LGSN: variants seen among roughly 807,000 people sequenced by gnomAD.
LGSN encodes lengsin, lens protein with glutamine synthetase domain.
In LGSN, 21 loss-of-function variants were observed where a neutral mutation model predicts 19.5. The observed-to-expected ratio is 1.07, with a 90% CI of 0.76 to 1.55. The LOEUF is 1.55. LGSN is among the 40% of genes most tolerant of loss of function. LGSN has a pLI of 0.00. For synonymous variants in LGSN, 257 were observed against 215.6 expected (o/e 1.19, Z -1.68); for missense variants, 673 against 608.5 (o/e 1.11, Z -1.12).
At chr6:63,484,162 A>G in the LGSN span, among the ~76,000 whole-genome samples, 1 of 151,994 alleles carries the variant, frequency 6.6e-6, no homozygotes, top group Admixed American at 6.6e-5. Context: ...TCAAAACAAA[A>G]CAGAAAACTA....
In LGSN at chr6:63,278,743, A is replaced by C. The variant is rs1767175398; in HGVS notation, c.*1278T>G. 1 of 151,890 alleles carries C rather than the reference A, an allele frequency of 6.6e-6. No individual in the cohort carries two copies. The highest frequency in any genetic ancestry group is 1.9e-4 in the East Asian group (1 of 5,178). The allele number at this position is 151,890 out of a possible 1,614,324, so 9.4% of individuals were successfully genotyped here. ...CTGGGAACTTTCTTCTTATGTATCC[A>C]AACACACTTCTCCTGCTCAAAGGAA... On this transcript the variant is annotated 3_prime_UTR_variant, in exon 4 of 4. Transcript: ENST00000370657.
the LGSN span, among the ~76,000 whole-genome samples, chr6:63,472,501 C>T: frequency 6.6e-6 from 1 of 152,162 alleles, no homozygotes; most frequent in Non-Finnish European, 1.5e-5. Context: ...TCTCTATGAG[C>T]TCCCCAGAGA....
chr6:63,343,089 T>C, the LGSN span, among the ~76,000 whole-genome samples: 4 of 152,228 alleles, frequency 2.6e-5, no homozygotes, highest in Non-Finnish European at 4.4e-5. Context: ...AGTTCCTTAA[T>C]TGCAATAATG....
At chr6:63,371,553 C>T in the LGSN span, among the ~76,000 whole-genome samples, 1 of 152,194 alleles carries the variant, frequency 6.6e-6, no homozygotes, top group Non-Finnish European at 1.5e-5. Flanking sequence ...GATATTTCTG[C>T]TGTACCTCTG....
chr6:63,320,056 G>A (rs976573795), upstream of LGSN: 7 of 821,980 alleles, frequency 8.5e-6, no homozygotes, highest in Admixed American at 2.0e-5. Context: ...ATTCCATAGA[G>A]GCTTTTCCAG....
At chr6:63,564,852 T>C in the LGSN span, among the ~76,000 whole-genome samples, 2 of 151,832 alleles carry the variant, frequency 1.3e-5, no homozygotes, top group Admixed American at 6.6e-5. Context: ...ATAAGAAGAG[T>C]CTTCTCAAAC....
At chr6:63,309,875 A>G (rs549355209) in intron 1 of LGSN, among the ~76,000 whole-genome samples, 5 of 152,252 alleles carry the variant, frequency 3.3e-5, no homozygotes, top group South Asian at 4.1e-4. Flanking sequence ...TGTGCATCCA[A>G]TGTTACCCTT....
chr6:63,552,706 T>G, the LGSN span, among the ~76,000 whole-genome samples: 5 of 152,242 alleles, frequency 3.3e-5, no homozygotes, highest in Non-Finnish European at 7.3e-5. Flanking sequence ...TGAATTAATT[T>G]TTGTATAAGG....
the LGSN span, among the ~76,000 whole-genome samples, chr6:63,534,563 G>A: frequency 2.6e-5 from 4 of 151,822 alleles, no homozygotes; most frequent in East Asian, 1.9e-4. Flanking sequence ...GTCTATAATC[G>A]CAGCTATGCA....
the LGSN span, among the ~76,000 whole-genome samples, chr6:63,409,038 G>T: frequency 6.6e-6 from 1 of 152,082 alleles, no homozygotes; most frequent in African/African-American, 2.4e-5. Context: ...AGCCTCCCAA[G>T]TAACTAGGAC....
At chr6:63,305,154 T>C (rs939341636) in intron 1 of LGSN, among the ~76,000 whole-genome samples, 1 of 152,142 alleles carries the variant, frequency 6.6e-6, no homozygotes, top group African/African-American at 2.4e-5. Flanking sequence ...TTTTTTTTTC[T>C]TCTGAAAACA....
intron 3 of LGSN, among the ~76,000 whole-genome samples, chr6:63,284,441 C>A (rs1211740387): frequency 3.3e-5 from 5 of 152,098 alleles, no homozygotes; most frequent in African/African-American, 1.2e-4. Context: ...CAATCCTTAG[C>A]AAGTATAAGC....
chr6:63,284,091 A>G (rs1767433866), intron 3 of LGSN, among the ~76,000 whole-genome samples: 1 of 152,194 alleles, frequency 6.6e-6, no homozygotes, highest in South Asian at 2.1e-4. Flanking sequence ...GCTAATACTC[A>G]TTATTTATAC....
At chr6:63,408,567 C>T in the LGSN span, among the ~76,000 whole-genome samples, 1 of 149,126 alleles carries the variant, frequency 6.7e-6, no homozygotes, top group Non-Finnish European at 1.5e-5. Flanking sequence ...GACCTAAAAC[C>T]ATAAAAACCC....
the LGSN span, among the ~76,000 whole-genome samples, chr6:63,538,765 C>CA: frequency 6.6e-6 from 1 of 152,218 alleles, no homozygotes; most frequent in South Asian, 2.1e-4. Flanking sequence ...TGATGGGCCC[C>CA]ACCTCCAGAG....
chr6:63,525,089 C>A, the LGSN span, among the ~76,000 whole-genome samples: 2 of 152,194 alleles, frequency 1.3e-5, no homozygotes, highest in African/African-American at 4.8e-5. Context: ...TAGAAGATGT[C>A]CTGCATCAAA....
chr6:63,462,383 A>C, the LGSN span, among the ~76,000 whole-genome samples: 2 of 152,330 alleles, frequency 1.3e-5, no homozygotes, highest in Non-Finnish European at 2.9e-5. Context: ...CTGTAATCCC[A>C]GCACTTTGGG....
intron 1 of LGSN, among the ~76,000 whole-genome samples, chr6:63,315,086 A>C (rs934123274): frequency 1.3e-5 from 2 of 152,218 alleles, no homozygotes; most frequent in Non-Finnish European, 2.9e-5. Flanking sequence ...AACATGTCAA[A>C]GACTGAAGAT....
the LGSN span, among the ~76,000 whole-genome samples, chr6:63,569,390 G>A: frequency 6.6e-6 from 1 of 152,132 alleles, no homozygotes; most frequent in Non-Finnish European, 1.5e-5. Context: ...CCAAGTAACT[G>A]GGATTAGAGG....
Sources: gnomAD v4.1 joint callset for allele counts (sites outside exome capture counted in the v4.1 genomes callset) on GRCh38, gnomAD v4.1.1 for gene constraint, MANE v1.5 for transcripts, NCBI Gene and HGNC (gene_info 2026-07-23, HGNC 2026-07-21) for gene names.